Variants in CHTF8 observed in about 807,000 individuals in gnomAD.
CHTF8 encodes chromosome transmission fidelity factor 8, also known as chromosome transmission fidelity protein 8 homolog.
A neutral mutation model predicts 11.0 loss-of-function variants in CHTF8; 6 were observed. The ratio of observed to expected loss-of-function variants is 0.55; its 90% CI spans 0.30 to 1.08. The LOEUF (loss-of-function observed/expected upper bound fraction) is 1.08, where lower values mean the gene tolerates loss of function less well. CHTF8 is among the 50% of genes least tolerant of loss of function. CHTF8 has a pLI of 0.07. For missense variants in CHTF8, 140 were observed against 153.1 expected, an observed-to-expected ratio of 0.91 and a Z score of 0.45; for synonymous variants, 53 against 60.5, an observed-to-expected ratio of 0.88 and a Z score of 0.57.
At chr16:69,125,182 G>A (rs1374903105) in intron 1 of CHTF8, among the ~76,000 whole-genome samples, 2 of 152,086 alleles carry the variant, frequency 1.3e-5, no homozygotes, top group Non-Finnish European at 2.9e-5. Flanking sequence ...GAGATTACAG[G>A]CTTGAGTCAT....
At position 69,118,123 on chromosome 16, in the gene CHTF8, C is replaced by CCCCCCCCCCCCCCCAATTCCCACATT; in HGVS notation, c.*2301_*2302insAATGTGGGAATTGGGGGGGGGGGGGG. 2.5e-6 allele frequency: 1 copy of CCCCCCCCCCCCCCCAATTCCCACATT among 399,448 alleles called. No individual in the cohort carries two copies. The allele number at this position is 399,448 out of a possible 1,614,324, so 24.7% of individuals were successfully genotyped here. A position where few individuals can be genotyped will look rare whatever the true frequency, so the allele number is the denominator to read the frequency against. On this transcript the variant is annotated 3_prime_UTR_variant, in exon 4 of 4. Transcript: ENST00000448552. The stretch of plus-strand genomic sequence containing the variant: ...AGCACAGTGATTTCTTCCCTTCATC[C>CCCCCCCCCCCCCCCAATTCCCACATT]CCCACCCCCACCCTAATTCCCATAT...
chr16:69,121,283 G>A, intron 2 of CHTF8, 113 bp from the exon 3 acceptor site: 4 of 1,276,916 alleles, frequency 3.1e-6, no homozygotes, highest in Non-Finnish European at 4.4e-6. Flanking sequence ...CAAGTTCTTG[G>A]GAAATTGGGC....
At chr16:69,125,179 C>G (rs1014787913) in intron 1 of CHTF8, among the ~76,000 whole-genome samples, 1 of 152,174 alleles carries the variant, frequency 6.6e-6, no homozygotes, top group Non-Finnish European at 1.5e-5. Flanking sequence ...ACTGAGATTA[C>G]AGGCTTGAGT....
chr16:69,118,893 T>C lies in CHTF8; in HGVS notation c.*1532A>G, dbSNP rs973226484. The stretch of plus-strand genomic sequence containing the variant: ...TTCCATTTGGGTACATTGCAGCCAT[T>C]GGACCCCCTGGTCTGGGGAAAGCAG... On this transcript the variant is annotated 3_prime_UTR_variant, in exon 4 of 4. Coordinates refer to ENST00000448552, the MANE Select transcript of CHTF8 (RefSeq NM_001039690.5). The C allele has an allele frequency of 4.3e-6, 3 of 702,938 alleles. No individual in the cohort carries two copies. Among genetic ancestry groups the C allele is most frequent in the African/African-American group, 3.5e-5 (2 of 57,272 alleles). 43.5% of individuals were successfully genotyped at this position (702,938 alleles called of 1,614,324 possible). A position where few individuals can be genotyped will look rare whatever the true frequency, so the allele number is the denominator to read the frequency against.
At chr16:69,125,509 G>C (rs1439113144) in intron 1 of CHTF8, among the ~76,000 whole-genome samples, 1 of 152,146 alleles carries the variant, frequency 6.6e-6, no homozygotes, top group Non-Finnish European at 1.5e-5. Context: ...AAGTATTAAT[G>C]AGAACGAAAA....
chr16:69,123,297 T>C (rs1961816799), intron 1 of CHTF8, among the ~76,000 whole-genome samples: 1 of 152,176 alleles, frequency 6.6e-6, no homozygotes, highest in Non-Finnish European at 1.5e-5. Context: ...CTTTTTTCTT[T>C]GGTAATGATG....
At position 69,119,821 on chromosome 16, in the gene CHTF8, A is replaced by G. The variant is rs1961487940; in HGVS notation, c.*604T>C. On this transcript the variant is annotated 3_prime_UTR_variant, in exon 4 of 4. Coordinates refer to ENST00000448552, the MANE Select transcript of CHTF8 (RefSeq NM_001039690.5). Reference sequence around the variant, plus strand: ...GGGGTTTGGTCCTGGGCCCAGGCCAACTGGCCTAGGATTGGGAGGACCATT... The same window carrying G: ...GGGGTTTGGTCCTGGGCCCAGGCCAGCTGGCCTAGGATTGGGAGGACCATT... 1.3e-5 allele frequency: 9 copies of G among 701,114 alleles called. No individual in the cohort carries two copies. The highest frequency in any genetic ancestry group is 1.8e-5 in the Non-Finnish European group (7 of 384,968). 43.4% of individuals were successfully genotyped at this position (701,114 alleles called of 1,614,324 possible). A position where few individuals can be genotyped will look rare whatever the true frequency, so the allele number is the denominator to read the frequency against.
chr16:69,119,091 G>C lies in CHTF8; in HGVS notation c.*1334C>G, dbSNP rs754863061. 1 of 702,896 alleles carries C rather than the reference G, an allele frequency of 1.4e-6. No individual in the cohort carries two copies. The highest frequency in any genetic ancestry group is 2.6e-6 in the Non-Finnish European group (1 of 385,030). 43.5% of individuals were successfully genotyped at this position (702,896 alleles called of 1,614,324 possible). A position where few individuals can be genotyped will look rare whatever the true frequency, so the allele number is the denominator to read the frequency against. ...CAGCTGGAGAAGGGCCCAGATGCCCGGCAGCTGGCCTGGGGAAAGTAACTT... is the reference window on the plus strand; with the variant it reads ...CAGCTGGAGAAGGGCCCAGATGCCCCGCAGCTGGCCTGGGGAAAGTAACTT... On this transcript the variant is annotated 3_prime_UTR_variant, in exon 4 of 4. Transcript: ENST00000448552.
rs76333028 is a variant in CHTF8 at position 69,126,347 on chromosome 16, C to G, written c.-35-4854G>C. ...CAGTCTCCTGTTCTGAACAGGAATT[C>G]AGAACAATGGTGTCGAAAACACATT... On this transcript the variant is annotated intron_variant, in intron 1 of 3. Transcript: ENST00000448552. 1.9e-3 allele frequency among the ~76,000 whole-genome samples: 289 copies of G among 152,316 alleles called. 7 individuals are homozygous for G. The East Asian group carries it at 0.054, about 28-fold the overall frequency.
chr16:69,130,124 A>T (rs1385021583), intron 1 of CHTF8, among the ~76,000 whole-genome samples: 1 of 152,248 alleles, frequency 6.6e-6, no homozygotes, highest in African/African-American at 2.4e-5. Context: ...ACTGTCTTAC[A>T]GAGAACAGAA....
Position 69,119,479 on chromosome 16 carries a change from G to C in CHTF8, c.*946C>G, listed in dbSNP as rs566649288. 3.4e-5 allele frequency: 24 copies of C among 703,008 alleles called. No individual in the cohort carries two copies. Among genetic ancestry groups the C allele is most frequent in the Non-Finnish European group, 5.7e-5 (22 of 385,020 alleles). The allele number at this position is 703,008 out of a possible 1,614,324, so 43.5% of individuals were successfully genotyped here. The stretch of plus-strand genomic sequence containing the variant: ...GCCAATTCCCCGAGAGCTAGGACCC[G>C]AGTTTGGGCCCATGGGGCCAGGTAC... On this transcript the variant is annotated 3_prime_UTR_variant, in exon 4 of 4. Transcript: ENST00000448552.
Position 69,118,129 on chromosome 16 carries a change from C to CCCCCCCCCA in CHTF8, c.*2295_*2296insTGGGGGGGG. 2.7e-6 allele frequency: 1 copy of CCCCCCCCCA among 364,368 alleles called. No homozygotes were observed. The highest frequency in any genetic ancestry group is 5.0e-6 in the Non-Finnish European group (1 of 198,392). The allele number at this position is 364,368 out of a possible 1,614,324, so 22.6% of individuals were successfully genotyped here. On this transcript the variant is annotated 3_prime_UTR_variant, in exon 4 of 4. Transcript: ENST00000448552. Reference sequence around the variant, plus strand: ...GTGATTTCTTCCCTTCATCCCCCACCCCCACCCTAATTCCCATATTCCCAT... The same window carrying CCCCCCCCCA: ...GTGATTTCTTCCCTTCATCCCCCACCCCCCCCCCACCCACCCTAATTCCCATATTCCCAT...
intron 1 of CHTF8, among the ~76,000 whole-genome samples, chr16:69,129,160 G>A (rs532604940): frequency 2.0e-4 from 31 of 152,024 alleles, no homozygotes; most frequent in Non-Finnish European, 4.0e-4. Context: ...GCCGGGTGCG[G>A]TGGCTCACAC....
rs538226448 is a variant in CHTF8, at chr16:69,129,726, C to A, written c.-36+2758G>T. Among the ~76,000 whole-genome samples, 3 of 152,282 alleles carry A rather than the reference C, an allele frequency of 2.0e-5. No individual in the cohort carries two copies. The South Asian group carries it at 6.2e-4, about 32-fold the overall frequency. ...TCTTGCAGTTCTCCTCACACAGCCC[C>A]CTCCTGTAAAGCACCTCTGTATGAT... On this transcript the variant is annotated intron_variant, in intron 1 of 3. Coordinates refer to ENST00000448552, the MANE Select transcript of CHTF8 (RefSeq NM_001039690.5).
At chr16:69,132,439 C>T (rs1962620722) in intron 1 of CHTF8, 45 bp downstream of exon 1, 1 of 181,728 alleles carries the variant, frequency 5.5e-6, no homozygotes, top group Non-Finnish European at 1.1e-5. Flanking sequence ...CCCGGCTCGG[C>T]CCTCGCTCCC....
rs571133105 is a variant in CHTF8, at chr16:69,124,107, G to T, written c.-35-2614C>A. On this transcript the variant is annotated intron_variant, in intron 1 of 3. Transcript: ENST00000448552. Reference sequence around the variant, plus strand: ...CAGAAGAGCAAGACTCTGTCTCAAAGGGGAAAAAAAAAAAAAGGATAATAT... The same window carrying T: ...CAGAAGAGCAAGACTCTGTCTCAAATGGGAAAAAAAAAAAAAGGATAATAT... 4.2e-3 allele frequency among the ~76,000 whole-genome samples: 626 copies of T among 148,224 alleles called. 4 individuals carry two copies. Among genetic ancestry groups the T allele is most frequent in the African/African-American group, 0.015 (596 of 39,880 alleles).
chr16:69,123,152 G>C (rs915682185), intron 1 of CHTF8, among the ~76,000 whole-genome samples: 1 of 152,110 alleles, frequency 6.6e-6, no homozygotes, highest in Non-Finnish European at 1.5e-5. Flanking sequence ...TACTGCCCGG[G>C]CTTAAGTGAT....
In CHTF8 at chr16:69,119,360, C is replaced by A. The variant is rs1418568430; in HGVS notation, c.*1065G>T. ...CCCCTGGGAAAGGGATTGGCATTTA[C>A]CCCCATGGGGCCAACTGGCCTTGAG... On this transcript the variant is annotated 3_prime_UTR_variant, in exon 4 of 4. Coordinates refer to ENST00000448552, the MANE Select transcript of CHTF8 (RefSeq NM_001039690.5). 2 of 703,058 alleles carry A rather than the reference C, an allele frequency of 2.8e-6. No homozygotes were observed. Among genetic ancestry groups the A allele is most frequent in the East Asian group, 2.7e-5 (1 of 37,286 alleles). 43.6% of individuals were successfully genotyped at this position (703,058 alleles called of 1,614,324 possible). A position where few individuals can be genotyped will look rare whatever the true frequency, so the allele number is the denominator to read the frequency against.
chr16:69,124,496 T>C (rs2152269366), intron 1 of CHTF8, among the ~76,000 whole-genome samples: 1 of 152,156 alleles, frequency 6.6e-6, no homozygotes, highest in South Asian at 2.1e-4. Flanking sequence ...TGATCTCGGC[T>C]CACCACAACC....
Sources: gnomAD v4.1 joint callset for allele counts (sites outside exome capture counted in the v4.1 genomes callset) on GRCh38, gnomAD v4.1.1 for gene constraint, MANE v1.5 for transcripts, NCBI Gene and HGNC (gene_info 2026-07-23, HGNC 2026-07-21) for gene names.